The following ZNF451 variants were observed in gnomAD, a reference collection of about 807,000 sequenced individuals.
The protein encoded by ZNF451 is zinc finger protein 451.
A neutral mutation model predicts 107.1 loss-of-function variants in ZNF451; 80 were observed. The observed-to-expected ratio is 0.75, with a 90% CI of 0.62 to 0.90. The LOEUF is 0.90. Among genes scored for constraint, ZNF451 ranks in the 40% least tolerant of loss-of-function variants. ZNF451 has a pLI of 0.00. For missense variants in ZNF451, 1,107 were observed against 1,236.2 expected (o/e 0.90, Z 1.57); for synonymous variants, 362 against 406.5 (o/e 0.89, Z 1.32).
At chr6:57,112,161 T>C (rs1830146599) in intron 3 of ZNF451, among the ~76,000 whole-genome samples, 1 of 152,236 alleles carries the variant, frequency 6.6e-6, no homozygotes, top group Admixed American at 6.5e-5. Context: ...TTGAGTTATA[T>C]AAGTTGAGTA....
intron 9 of ZNF451, among the ~76,000 whole-genome samples, chr6:57,146,857 T>A (rs528797570): frequency 5.9e-4 from 90 of 152,292 alleles, no homozygotes; most frequent in African/African-American, 2.1e-3. Context: ...TTTAAAAAAT[T>A]TTGAATCTAG....
intron 3 of ZNF451, among the ~76,000 whole-genome samples, chr6:57,111,180 C>T (rs529806327): frequency 1.7e-4 from 26 of 152,126 alleles, no homozygotes; most frequent in Non-Finnish European, 2.5e-4. Flanking sequence ...TTTGGCCTCC[C>T]GAAGTGCTGG....
Position 57,153,966 on chromosome 6 carries a change from C to A in ZNF451, c.2989C>A (p.Pro997Thr). 1 of 1,614,134 alleles carries A rather than the reference C, an allele frequency of 6.2e-7. No homozygotes were observed. Among genetic ancestry groups the A allele is most frequent in the Non-Finnish European group, 8.5e-7 (1 of 1,180,020 alleles). Residue 997 changes from proline (P) to threonine (T), a missense_variant, in exon 13 of 15, where the codon CCA becomes ACA. By Grantham distance (38) the Pro-to-Thr change is conservative. Around this residue, in one of 5 missense-constraint regions of ZNF451, gnomAD observed 151 missense variants for 173.3 expected, o/e 0.87. Coordinates refer to ENST00000370706, the MANE Select transcript of ZNF451 (RefSeq NM_001031623.3). ...LENQFKKTQR[P>T]AHILNPHHLE... Reference sequence around the variant, plus strand: ...GAATCAATTTAAGAAGACTCAGAGGCCAGCTCATATACTAAACCCTCACCA... The same window carrying A: ...GAATCAATTTAAGAAGACTCAGAGGACAGCTCATATACTAAACCCTCACCA...
chr6:57,164,960 C>A (rs1270105772), intron 14 of ZNF451: 2 of 152,162 alleles, frequency 1.3e-5, no homozygotes, highest in African/African-American at 4.8e-5. Context: ...CTGAGAGATT[C>A]TCTTTAGCAT....
intron 3 of ZNF451, chr6:57,103,994 TTGTC>T (rs1467683782): frequency 2.0e-6 from 2 of 985,330 alleles, no homozygotes; most frequent in African/African-American, 1.7e-5. Flanking sequence ...TTGATCTTGT[TTGTC>T]CTATTTGTAG....
chr6:57,123,591 A>G (rs1830749628), intron 3 of ZNF451, among the ~76,000 whole-genome samples: 1 of 152,152 alleles, frequency 6.6e-6, no homozygotes, highest in Admixed American at 6.5e-5. Context: ...TGATGGGATC[A>G]GTAGAAGGCC....
intron 7 of ZNF451, 97 bp from the exon 8 acceptor site, chr6:57,141,201 ATATT>A: frequency 8.4e-6 from 8 of 950,414 alleles, no homozygotes; most frequent in Non-Finnish European, 1.2e-5. Context: ...TTGATACAGG[ATATT>A]GCGAATAAAC....
intron 7 of ZNF451, among the ~76,000 whole-genome samples, chr6:57,137,703 T>TTATTCTGTTTCTAGGGCTACTG (rs1831502776): frequency 6.6e-6 from 1 of 152,204 alleles, no homozygotes; most frequent in Admixed American, 6.5e-5. Context: ...CTACCACTGG[T>TTATTCTGTTTCTAGGGCTACTG]TATTCTGTTT....
chr6:57,099,579 G>A, intron 3 of ZNF451: 1 of 712,286 alleles, frequency 1.4e-6, no homozygotes, highest in Non-Finnish European at 2.6e-6. Context: ...GAAAGTGGGG[G>A]AAGGGTTTAT....
At chr6:57,141,482 A>G (rs1831757293) in intron 8 of ZNF451, 27 bp downstream of exon 8, 2 of 1,575,788 alleles carry the variant, frequency 1.3e-6, no homozygotes, top group East Asian at 4.5e-5. Flanking sequence ...TTCTGCTGAA[A>G]ATTAAACTAC....
At chr6:57,136,264 C>T (rs1831421814) in intron 7 of ZNF451, among the ~76,000 whole-genome samples, 1 of 152,100 alleles carries the variant, frequency 6.6e-6, no homozygotes, top group South Asian at 2.1e-4. Flanking sequence ...AGAACAGTGA[C>T]ATGATGAAAA....
intron 7 of ZNF451, among the ~76,000 whole-genome samples, chr6:57,136,481 G>T (rs1831433544): frequency 1.3e-5 from 2 of 152,112 alleles, no homozygotes; most frequent in South Asian, 4.2e-4. Flanking sequence ...CTTAGGTAAT[G>T]GCATTCAGAA....
At chr6:57,132,994 A>G in intron 5 of ZNF451, 48 bp from the exon 6 acceptor site, 4 of 1,602,962 alleles carry the variant, frequency 2.5e-6, no homozygotes, top group Admixed American at 1.7e-5. Flanking sequence ...AGCCCAAAGG[A>G]TAAGTATCTG....
chr6:57,120,815 C>T (rs1324902074), intron 3 of ZNF451, among the ~76,000 whole-genome samples: 1 of 152,142 alleles, frequency 6.6e-6, no homozygotes, highest in Non-Finnish European at 1.5e-5. Flanking sequence ...GTCTTTTGCA[C>T]ATATTCTCCC....
intron 11 of ZNF451, 172 bp downstream of exon 11, chr6:57,151,034 G>A: frequency 1.3e-6 from 1 of 765,532 alleles, no homozygotes; most frequent in Non-Finnish European, 2.0e-6. Context: ...ATGCCTCTGT[G>A]GTAAATGTTA....
chr6:57,168,162 T>C (rs1462704548), intron 14 of ZNF451, among the ~76,000 whole-genome samples: 1 of 152,186 alleles, frequency 6.6e-6, no homozygotes, highest in Non-Finnish European at 1.5e-5. Context: ...TTTTAAAAGT[T>C]TGTTGACTTT....
intron 9 of ZNF451, 30 bp from the exon 10 acceptor site, chr6:57,147,060 A>G (rs750440894): frequency 1.9e-6 from 3 of 1,544,934 alleles, no homozygotes; most frequent in Non-Finnish European, 2.6e-6. Context: ...TACTTCTGAA[A>G]GACTTTCTAT....
intron 7 of ZNF451, among the ~76,000 whole-genome samples, chr6:57,140,737 C>A (rs1831713899): frequency 6.6e-6 from 1 of 152,044 alleles, no homozygotes. Context: ...GCGTAGTTTG[C>A]AACCATTAAG....
chr6:57,144,516 C>G (rs1831961291), intron 9 of ZNF451, among the ~76,000 whole-genome samples: 1 of 152,034 alleles, frequency 6.6e-6, no homozygotes, highest in African/African-American at 2.4e-5. Flanking sequence ...GCTGGGATTA[C>G]AGGCATGTGC....
Sources: allele counts gnomAD v4.1 joint callset (sites outside exome capture counted in the v4.1 genomes callset), GRCh38; gene constraint gnomAD v4.1.1; regional missense constraint gnomAD v4.1.1; transcripts MANE v1.5; gene names NCBI Gene and HGNC (gene_info 2026-07-23, HGNC 2026-07-21).